Variants in DPH6 observed in about 807,000 individuals in gnomAD.
DPH6 encodes the protein diphthamine biosynthesis 6, also known as diphthine--ammonia ligase.
In DPH6, 33 loss-of-function variants were observed where a neutral mutation model predicts 38.2. The ratio of observed to expected loss-of-function variants is 0.86; its 90% CI spans 0.65 to 1.15. DPH6 has a LOEUF of 1.15. DPH6 is among the 50% of genes most tolerant of loss of function. DPH6 has a pLI of 0.00. For missense variants in DPH6, 325 were observed against 320.0 expected (o/e 1.02, Z -0.12); for synonymous variants, 108 against 103.0 (o/e 1.05, Z -0.30).
intron 3 of DPH6, among the ~76,000 whole-genome samples, chr15:35,338,227 C>T (rs1014487022): frequency 6.6e-6 from 1 of 151,888 alleles, no homozygotes; most frequent in Non-Finnish European, 1.5e-5. Flanking sequence ...AAGAAACTAC[C>T]ATCAGAGTGA....
chr15:35,509,878 C>T (rs539390227), intron 3 of DPH6, among the ~76,000 whole-genome samples: 1 of 152,090 alleles, frequency 6.6e-6, no homozygotes, highest in South Asian at 2.1e-4. Flanking sequence ...ATCATTTTTC[C>T]TCAACAATGT....
In DPH6 at chr15:35,371,481, T is replaced by A. The variant is rs947000863; in HGVS notation, c.*669A>T. On this transcript the variant is annotated 3_prime_UTR_variant, in exon 9 of 9. Transcript: ENST00000256538. The stretch of plus-strand genomic sequence containing the variant: ...AGAGGGTATATGGGAAATCTCTGCA[T>A]TTTCTGCTCCATTTTTGCTGTGAAC... 8.2e-6 allele frequency: 6 copies of A among 734,238 alleles called. No homozygotes were observed. Among genetic ancestry groups the A allele is most frequent in the Non-Finnish European group, 8.3e-6 (5 of 601,292 alleles). The allele number at this position is 734,238 out of a possible 1,614,324, so 45.5% of individuals were successfully genotyped here.
intron 3 of DPH6, among the ~76,000 whole-genome samples, chr15:35,254,343 T>C (rs1466787668): frequency 6.6e-5 from 10 of 152,224 alleles, no homozygotes; most frequent in Non-Finnish European, 1.5e-4. Context: ...CTTCATAAAC[T>C]GATCAACAAC....
chr15:35,406,767 C>T (rs2053299191), intron 6 of DPH6, among the ~76,000 whole-genome samples: 1 of 151,904 alleles, frequency 6.6e-6, no homozygotes, highest in Admixed American at 6.6e-5. Context: ...ATGCTTAGTT[C>T]TGCTGTTGAG....
the DPH6 span, among the ~76,000 whole-genome samples, chr15:35,161,535 G>C: frequency 6.6e-6 from 1 of 151,920 alleles, no homozygotes; most frequent in Admixed American, 6.6e-5. Context: ...TCTCCCCCAA[G>C]TTCATATGTT....
chr15:35,186,159 A>C, the DPH6 span, among the ~76,000 whole-genome samples: 3 of 152,152 alleles, frequency 2.0e-5, no homozygotes, highest in African/African-American at 7.2e-5. Context: ...ACCCTACTAT[A>C]ACATATTTTA....
chr15:35,422,718 C>A (rs2053521308), intron 5 of DPH6, among the ~76,000 whole-genome samples: 1 of 151,828 alleles, frequency 6.6e-6, no homozygotes, highest in African/African-American at 2.4e-5. Flanking sequence ...AACATCTTCC[C>A]AAATCCTCCT....
Position 35,451,964 on chromosome 15 carries a change from T to C in DPH6, c.387-1161A>G, listed in dbSNP as rs547677431. ...GGCGGAGCTTGCCGTAAGCCGAGATTGCGCCGCTGCACTCCAGCCTGGGCG... is the reference window on the plus strand; with the variant it reads ...GGCGGAGCTTGCCGTAAGCCGAGATCGCGCCGCTGCACTCCAGCCTGGGCG... On this transcript the variant is annotated intron_variant, in intron 4 of 8. Coordinates refer to ENST00000256538, the MANE Select transcript of DPH6 (RefSeq NM_080650.4). Among the ~76,000 whole-genome samples the C allele has an allele frequency of 2.6e-5, 4 of 152,112 alleles. No individual in the cohort carries two copies. The South Asian group carries it at 6.2e-4, about 24-fold the overall frequency.
chr15:35,372,079 A>G lies in DPH6; in HGVS notation c.*71T>C. The G allele has an allele frequency of 6.8e-7, 1 of 1,474,062 alleles. No individual in the cohort carries two copies. Among genetic ancestry groups the G allele is most frequent in the South Asian group, 1.4e-5 (1 of 69,710 alleles). The allele number at this position is 1,474,062 out of a possible 1,614,324, so 91.3% of individuals were successfully genotyped here. A position where few individuals can be genotyped will look rare whatever the true frequency, so the allele number is the denominator to read the frequency against. On this transcript the variant is annotated 3_prime_UTR_variant, in exon 9 of 9. Transcript: ENST00000256538. ...GAGAAAAAAATAAACTAGTCATAGT[A>G]ACTGAGAAAATACTATGCAATTTTT...
chr15:35,401,413 G>A (rs949634007), intron 6 of DPH6: 28 of 767,088 alleles, frequency 3.7e-5, no homozygotes, highest in Admixed American at 7.1e-5. Context: ...TGGTTATGGA[G>A]GAAGCGGCCC....
At chr15:35,285,391 A>G (rs369830459) in intron 3 of DPH6, among the ~76,000 whole-genome samples, 56 of 152,044 alleles carry the variant, frequency 3.7e-4, no homozygotes, top group African/African-American at 1.3e-3. Context: ...TGCTATTCCC[A>G]TGATAGGGAA....
intron 3 of DPH6, chr15:35,299,530 G>C: frequency 3.3e-6 from 2 of 609,086 alleles, no homozygotes; most frequent in South Asian, 3.5e-5. Flanking sequence ...AGGAGCCAAC[G>C]GCGGCACCAC....
At chr15:35,268,974 A>G (rs1163241748) in intron 3 of DPH6, among the ~76,000 whole-genome samples, 9 of 152,148 alleles carry the variant, frequency 5.9e-5, no homozygotes, top group Non-Finnish European at 5.9e-5. Flanking sequence ...TTCCAACATG[A>G]AAATCACCTT....
intron 3 of DPH6, among the ~76,000 whole-genome samples, chr15:35,312,729 T>G (rs1249946014): frequency 6.6e-6 from 1 of 152,200 alleles, no homozygotes; most frequent in Non-Finnish European, 1.5e-5. Flanking sequence ...ATTTCCTTCT[T>G]TTGCATATAG....
At chr15:35,340,950 T>C (rs959472664) in intron 3 of DPH6, among the ~76,000 whole-genome samples, 3 of 152,222 alleles carry the variant, frequency 2.0e-5, no homozygotes, top group Admixed American at 6.5e-5. Flanking sequence ...GAAGTTCTCC[T>C]GGAGGATATT....
the DPH6 span, among the ~76,000 whole-genome samples, chr15:35,187,094 T>G: frequency 2.3e-4 from 35 of 152,312 alleles, no homozygotes; most frequent in East Asian, 6.6e-3. Context: ...GCTCAAAGTC[T>G]GGCTCTGCTT....
intron 3 of DPH6, among the ~76,000 whole-genome samples, chr15:35,263,915 G>A (rs1252759474): frequency 1.3e-5 from 2 of 151,824 alleles, no homozygotes; most frequent in Non-Finnish European, 2.9e-5. Flanking sequence ...GGGTTTCACC[G>A]TGTTAGCCAG....
chr15:35,166,387 T>A, the DPH6 span, among the ~76,000 whole-genome samples: 8,968 of 152,062 alleles, frequency 0.059, 412 homozygotes, highest in East Asian at 0.25. Flanking sequence ...TTTCTTTGGG[T>A]CTTCACTTCC....
chr15:35,400,656 G>T, intron 6 of DPH6: 1 of 597,936 alleles, frequency 1.7e-6, no homozygotes, highest in Non-Finnish European at 3.0e-6. Flanking sequence ...TGCCACCGAG[G>T]AAGCATCATT....
Sources: allele counts gnomAD v4.1 joint callset (sites outside exome capture counted in the v4.1 genomes callset), GRCh38; gene constraint gnomAD v4.1.1; transcripts MANE v1.5; gene names NCBI Gene and HGNC (gene_info 2026-07-23, HGNC 2026-07-21).